The following SLAMF1 variants were observed in gnomAD, a reference collection of about 807,000 sequenced individuals.
SLAMF1 encodes the protein signaling lymphocytic activation molecule family member 1, also known as signaling lymphocytic activation molecule.
In SLAMF1, 18 loss-of-function variants were observed where a neutral mutation model predicts 35.1. That is an observed-to-expected ratio of 0.51 (90% CI 0.35 to 0.76). SLAMF1 has a LOEUF of 0.76. Among genes scored for constraint, SLAMF1 ranks in the 30% least tolerant of loss-of-function variants. The pLI is 0.01. For missense variants in SLAMF1, 392 were observed against 413.0 expected, an observed-to-expected ratio of 0.95 and a Z score of 0.44; for synonymous variants, 168 against 157.2, an observed-to-expected ratio of 1.07 and a Z score of -0.51.
At chr1:160,621,204 G>A (rs368300911) in intron 4 of SLAMF1, among the ~76,000 whole-genome samples, 1 of 152,158 alleles carries the variant, frequency 6.6e-6, no homozygotes, top group Non-Finnish European at 1.5e-5. Context: ...AGGCAATGGA[G>A]GCTGGACCCA....
At position 160,610,794 on chromosome 1, in the gene SLAMF1, G is replaced by T; in HGVS notation, c.962C>A (p.Thr321Lys). Residue 321 changes from threonine (T) to lysine (K), a missense_variant, in exon 7 of 7, where the codon ACA becomes AAA. Coordinates refer to ENST00000302035, the MANE Select transcript of SLAMF1 (RefSeq NM_003037.5). The stretch of plus-strand genomic sequence containing the variant: ...ACTAGCATAGACTGTGATGGAATTT[G>T]TTTCCTGGGGACAAAGCAGAAGTCT... Reference protein sequence around the residue: ...TEPVPESVQETNSITVYASVT... With the variant: ...TEPVPESVQEKNSITVYASVT... 1 of 1,611,278 alleles carries T rather than the reference G, an allele frequency of 6.2e-7. No homozygotes were observed.
chr1:160,637,320 A>G lies in SLAMF1; in HGVS notation c.286T>C (p.Tyr96His). ...AGPPRYLGDR[Y>H]KFYLENLTLG... Reference sequence around the variant, plus strand: ...GTGAGATTCTCCAGATAAAACTTGTAGCGATCTCCTAGATAACGTGGAGGG... The same window carrying G: ...GTGAGATTCTCCAGATAAAACTTGTGGCGATCTCCTAGATAACGTGGAGGG... The change falls in exon 2 of 7, where the codon TAC (tyrosine) becomes CAC (histidine). Residue 96 changes from tyrosine (Y) to histidine (H), a missense_variant. Transcript: ENST00000302035. 3 of 1,613,952 alleles carry G rather than the reference A, an allele frequency of 1.9e-6. No individual in the cohort carries two copies. The highest frequency in any genetic ancestry group is 2.5e-6 in the Non-Finnish European group (3 of 1,179,864).
intron 6 of SLAMF1, 113 bp from the exon 7 acceptor site, chr1:160,610,911 T>C (rs983602417): frequency 1.8e-5 from 15 of 849,698 alleles, no homozygotes; most frequent in Non-Finnish European, 2.8e-5. Flanking sequence ...TCATGGCTTG[T>C]GCAGGGTCTG....
intron 2 of SLAMF1, 34 bp downstream of exon 2, chr1:160,637,157 C>T: frequency 2.6e-6 from 4 of 1,510,546 alleles, no homozygotes; most frequent in South Asian, 1.1e-5. Flanking sequence ...CACCTTGGCC[C>T]TTTAGTGTGG....
At chr1:160,624,234 T>C (rs1327350805) in intron 3 of SLAMF1, 49 bp from the exon 4 acceptor site, 1 of 1,269,182 alleles carries the variant, frequency 7.9e-7, no homozygotes, top group East Asian at 2.3e-5. Flanking sequence ...ATTCTGAGCT[T>C]AAAAACATCT....
rs1331057379 is a variant in SLAMF1 at position 160,609,811 on chromosome 1, T to A, written c.*937A>T. On this transcript the variant is annotated 3_prime_UTR_variant, in exon 7 of 7. Transcript: ENST00000302035. ...GCCTAGGAAAGACCTTGACCTGCAATACCCCTTGAAGCCCTGGATATAAGA... is the reference window on the plus strand; with the variant it reads ...GCCTAGGAAAGACCTTGACCTGCAAAACCCCTTGAAGCCCTGGATATAAGA... 1.3e-5 allele frequency: 2 copies of A among 153,652 alleles called. No homozygotes were observed. The highest frequency in any genetic ancestry group is 1.3e-4 in the Admixed American group (2 of 15,462). The allele number at this position is 153,652 out of a possible 1,614,324, so 9.5% of individuals were successfully genotyped here.
Position 160,624,132 on chromosome 1 carries a change from G to A in SLAMF1, c.754C>T (p.Leu252Phe), listed in dbSNP as rs756956447. 2.5e-6 allele frequency: 4 copies of A among 1,609,284 alleles called. No homozygotes were observed. The highest frequency in any genetic ancestry group is 2.2e-5 in the South Asian group (2 of 90,420). Residue 252 changes from leucine (L) to phenylalanine (F), a missense_variant, in exon 4 of 7, where the codon CTC becomes TTC. Leu to Phe is a conservative substitution (Grantham distance 22). Transcript: ENST00000302035. ...AACTGTAGTATTACCACCATGATGA[G>A]AATCATGATGACACCCCCTAACAGC... ...AGLLGGVIMILIMVVILQLRR... is the reference protein window; with the variant it reads ...AGLLGGVIMIFIMVVILQLRR...
At chr1:160,611,184 G>C (rs1658964356) in intron 6 of SLAMF1, among the ~76,000 whole-genome samples, 1 of 152,154 alleles carries the variant, frequency 6.6e-6, no homozygotes, top group Non-Finnish European at 1.5e-5. Context: ...AAAAAGTCTA[G>C]TGGGACTCAA....
At chr1:160,640,276 A>G (rs1181688600) in intron 1 of SLAMF1, among the ~76,000 whole-genome samples, 1 of 146,796 alleles carries the variant, frequency 6.8e-6, no homozygotes, top group African/African-American at 2.5e-5. Context: ...ATGAATGCTG[A>G]AAACCATAAT....
At chr1:160,630,235 T>C (rs1312026061) in intron 3 of SLAMF1, among the ~76,000 whole-genome samples, 2 of 152,182 alleles carry the variant, frequency 1.3e-5, no homozygotes, top group Non-Finnish European at 2.9e-5. Flanking sequence ...GAGTACTTCA[T>C]AGCACCCTAA....
chr1:160,643,702 A>C (rs1368882642), intron 1 of SLAMF1, among the ~76,000 whole-genome samples: 4 of 152,230 alleles, frequency 2.6e-5, no homozygotes, highest in Admixed American at 2.6e-4. Flanking sequence ...TTGTGTAAAG[A>C]TCAAATCGGG....
At chr1:160,628,855 A>G (rs1368693629) in intron 3 of SLAMF1, among the ~76,000 whole-genome samples, 1 of 152,236 alleles carries the variant, frequency 6.6e-6, no homozygotes, top group African/African-American at 2.4e-5. Flanking sequence ...GCCAGGAGGC[A>G]AGTGTGTGTC....
chr1:160,637,873 T>C (rs1196584629), intron 1 of SLAMF1, among the ~76,000 whole-genome samples: 1 of 152,268 alleles, frequency 6.6e-6, no homozygotes, highest in Non-Finnish European at 1.5e-5. Flanking sequence ...AGGATTAGAA[T>C]TCAGTTCTGC....
At chr1:160,628,136 G>A (rs1659978958) in intron 3 of SLAMF1, among the ~76,000 whole-genome samples, 1 of 152,198 alleles carries the variant, frequency 6.6e-6, no homozygotes, top group African/African-American at 2.4e-5. Flanking sequence ...TCTCAGGTAT[G>A]TCTTTATTGG....
chr1:160,635,355 G>A (rs570803365), intron 2 of SLAMF1, among the ~76,000 whole-genome samples: 18 of 152,294 alleles, frequency 1.2e-4, no homozygotes, highest in Middle Eastern at 3.4e-3. Context: ...GCGTGCGCGC[G>A]CGCGCATGTA....
At position 160,610,803 on chromosome 1, in the gene SLAMF1, G is replaced by A. The variant is rs1388913489; in HGVS notation, c.958-5C>T. 6.2e-7 allele frequency: 1 copy of A among 1,608,710 alleles called. No homozygotes were observed. The highest frequency in any genetic ancestry group is 1.3e-5 in the African/African-American group (1 of 74,942). On this transcript the variant is annotated splice_region_variant and splice_polypyrimidine_tract_variant and intron_variant, in intron 6 of 6. Coordinates refer to ENST00000302035, the MANE Select transcript of SLAMF1 (RefSeq NM_003037.5). ...GACTGTGATGGAATTTGTTTCCTGGGGACAAAGCAGAAGTCTGTGAGTAGA... is the reference window on the plus strand; with the variant it reads ...GACTGTGATGGAATTTGTTTCCTGGAGACAAAGCAGAAGTCTGTGAGTAGA...
At chr1:160,634,510 A>G (rs1660322460) in intron 3 of SLAMF1, 103 bp downstream of exon 3, 3 of 1,425,524 alleles carry the variant, frequency 2.1e-6, no homozygotes, top group Admixed American at 2.3e-5. Context: ...AATGTAAAGT[A>G]TTGTTACTAA....
At chr1:160,643,642 A>C (rs921165063) in intron 1 of SLAMF1, among the ~76,000 whole-genome samples, 3 of 152,170 alleles carry the variant, frequency 2.0e-5, no homozygotes, top group African/African-American at 7.2e-5. Context: ...TTGATACATA[A>C]TAGATGTATA....
chr1:160,641,920 G>C (rs927895577), intron 1 of SLAMF1, among the ~76,000 whole-genome samples: 1 of 152,176 alleles, frequency 6.6e-6, no homozygotes, highest in African/African-American at 2.4e-5. Context: ...TTCGAAAAAT[G>C]AGTGATTCAC....
Sources: allele counts gnomAD v4.1 joint callset (sites outside exome capture counted in the v4.1 genomes callset), GRCh38; gene constraint gnomAD v4.1.1; transcripts MANE v1.5; gene names NCBI Gene and HGNC (gene_info 2026-07-23, HGNC 2026-07-21).